The following PCDHA13 variants were observed in gnomAD, a reference collection of about 807,000 sequenced individuals.
PCDHA13 encodes the protein protocadherin alpha-13.
Under a neutral mutation model 64.8 loss-of-function variants are expected in PCDHA13, and 54 were observed. That is an observed-to-expected ratio of 0.83 (90% CI 0.67 to 1.04). PCDHA13 has a LOEUF of 1.04. Among genes scored for constraint, PCDHA13 ranks in the 50% least tolerant of loss-of-function variants. PCDHA13 has a pLI of 0.00. For missense variants in PCDHA13, 1,248 were observed against 1,254.3 expected, an observed-to-expected ratio of 0.99 and a Z score of 0.08; for synonymous variants, 587 against 564.4, an observed-to-expected ratio of 1.04 and a Z score of -0.57.
Position 140,883,693 on chromosome 5 carries a change from C to T in PCDHA13, c.1425C>T (p.Phe475=), listed in dbSNP as rs2059756382. The change falls in exon 1 of 4, where the codon TTC becomes TTT. Residue 475 remains phenylalanine (F), a synonymous_variant. Coordinates refer to ENST00000289272, the MANE Select transcript of PCDHA13 (RefSeq NM_018904.3). The part of the protein sequence containing the change: ...KENNPPGCHI[F]TVSAQDADAQ... ...ACAATCCGCCGGGCTGCCACATCTT[C>T]ACGGTGTCTGCTCAGGACGCGGACG... 1.2e-6 allele frequency: 2 copies of T among 1,613,790 alleles called. No individual in the cohort carries two copies. The highest frequency in any genetic ancestry group is 1.7e-6 in the Non-Finnish European group (2 of 1,179,874).
At chr5:140,967,085 C>T in intron 1 of PCDHA13, 1 of 1,613,198 alleles carries the variant, frequency 6.2e-7, no homozygotes, top group Non-Finnish European at 8.5e-7. Context: ...GCGCATTGAT[C>T]GGGAGGCGCT....
At chr5:140,931,189 C>A (rs2087353658) in intron 1 of PCDHA13, among the ~76,000 whole-genome samples, 1 of 152,112 alleles carries the variant, frequency 6.6e-6, no homozygotes, top group Non-Finnish European at 1.5e-5. Flanking sequence ...GAAATTGGTG[C>A]ACTACAATGC....
chr5:140,941,942 T>C (rs2093203170), intron 1 of PCDHA13, among the ~76,000 whole-genome samples: 1 of 152,234 alleles, frequency 6.6e-6, no homozygotes, highest in African/African-American at 2.4e-5. Flanking sequence ...GAATTACTTT[T>C]GTTTTGAAAA....
At chr5:141,004,857 A>C (rs987029522) in intron 3 of PCDHA13, among the ~76,000 whole-genome samples, 2 of 152,150 alleles carry the variant, frequency 1.3e-5, no homozygotes, top group African/African-American at 4.8e-5. Context: ...TCAGAGAAAA[A>C]ATTTGTTTCT....
rs782751899 is a variant in PCDHA13 at position 140,967,272 on chromosome 5, T to G, written c.2395-11677T>G. The G allele has an allele frequency of 1.2e-6, 2 of 1,613,412 alleles. No homozygotes were observed. Among genetic ancestry groups the G allele is most frequent in the East Asian group, 2.2e-5 (1 of 44,860 alleles). On this transcript the variant is annotated intron_variant, in intron 1 of 3. Transcript: ENST00000289272. ...GTGGCGCCTGGAGCGCGCTTTCACA[T>G]AGAGAGTGCGCAGGACCCCGACGTG...
In PCDHA13 at chr5:140,883,892, G is replaced by C; in HGVS notation, c.1624G>C (p.Val542Leu). ...QFQVSARDSG[V>L]PPLGSNVTLQ... ...CCAGGTGAGCGCGCGCGACTCTGGC[G>C]TGCCGCCTCTGGGCAGCAACGTGAC... Residue 542 changes from valine to leucine, a missense_variant, in exon 1 of 4, where the codon GTG becomes CTG. Val to Leu is a conservative substitution (Grantham distance 32). Transcript: ENST00000289272. 4 of 1,613,362 alleles carry C rather than the reference G, an allele frequency of 2.5e-6. No homozygotes were observed. The South Asian group carries it at 4.4e-5, about 18-fold the overall frequency.
chr5:140,953,100 A>G (rs1343351624), intron 1 of PCDHA13, among the ~76,000 whole-genome samples: 1 of 152,162 alleles, frequency 6.6e-6, no homozygotes, highest in Admixed American at 6.5e-5. Flanking sequence ...TTGACATGAG[A>G]TTTGGGCAGG....
chr5:140,897,762 A>C (rs572488219), intron 1 of PCDHA13, among the ~76,000 whole-genome samples: 15 of 152,204 alleles, frequency 9.9e-5, no homozygotes, highest in African/African-American at 2.7e-4. Context: ...AGGAATCGCC[A>C]CACTGACTTC....
At chr5:140,927,975 C>T in intron 1 of PCDHA13, 2 of 1,614,244 alleles carry the variant, frequency 1.2e-6, no homozygotes, top group Non-Finnish European at 1.7e-6. Context: ...TGATTGCTCT[C>T]TTTAGTGTAA....
intron 1 of PCDHA13, chr5:140,967,032 A>T: frequency 6.2e-7 from 1 of 1,610,180 alleles, no homozygotes; most frequent in Non-Finnish European, 8.5e-7. Flanking sequence ...AGTCCGCGCT[A>T]CCTGGAGCTG....
chr5:140,896,391 A>G (rs1438393041), intron 1 of PCDHA13, among the ~76,000 whole-genome samples: 2 of 152,040 alleles, frequency 1.3e-5, no homozygotes, highest in Non-Finnish European at 2.9e-5. Context: ...CCTCACCAGC[A>G]TCTGTTATTT....
At chr5:140,971,209 C>T (rs147218200) in intron 1 of PCDHA13, among the ~76,000 whole-genome samples, 3 of 152,118 alleles carry the variant, frequency 2.0e-5, no homozygotes, top group African/African-American at 7.2e-5. Context: ...ACACTGTTAC[C>T]CTCCCTCTCC....
At chr5:140,946,631 T>TATATATATAC (rs57893927) in intron 1 of PCDHA13, among the ~76,000 whole-genome samples, 18,480 of 131,524 alleles carry the variant, frequency 0.14, 1,838 homozygotes, top group East Asian at 0.38. Context: ...TATATATATA[T>TATATATATAC]ACAATGGAAT....
rs533995955 is a variant in PCDHA13, at chr5:140,975,833, A to T, written c.2395-3116A>T. On this transcript the variant is annotated intron_variant, in intron 1 of 3. Coordinates refer to ENST00000289272, the MANE Select transcript of PCDHA13 (RefSeq NM_018904.3). ...TTAATAGGAACTGAAGTGTATTCTT[A>T]TTCTTCAGTAATACTACATCACCCA... 2.6e-5 allele frequency among the ~76,000 whole-genome samples: 4 copies of T among 152,336 alleles called. No individual in the cohort carries two copies. In the South Asian group the frequency reaches 8.3e-4, roughly 32 times the overall value.
intron 1 of PCDHA13, among the ~76,000 whole-genome samples, chr5:140,925,786 T>C (rs2082719026): frequency 1.3e-5 from 2 of 152,144 alleles, no homozygotes; most frequent in African/African-American, 4.8e-5. Context: ...CTAATGAGTA[T>C]CTCAGTACTT....
At chr5:140,969,037 C>A (rs1554231375) in intron 1 of PCDHA13, 6 of 1,614,158 alleles carry the variant, frequency 3.7e-6, no homozygotes, top group Non-Finnish European at 5.1e-6. Flanking sequence ...CAGAACTGTA[C>A]AAACAAGCCA....
rs369670852 is a variant in PCDHA13, at chr5:140,928,571, C to G, written c.2394+43909C>G. 1.9e-5 allele frequency: 30 copies of G among 1,614,180 alleles called. 1 individual carries two copies. The African/African-American group carries it at 1.9e-4, about 10-fold the overall frequency. On this transcript the variant is annotated intron_variant, in intron 1 of 3. Transcript: ENST00000289272. ...TATCCGGTTATCTTGTTTCCCTTGC[C>G]CAGAAATGGTTCTGTCCCAGTGGAA...
At position 140,968,158 on chromosome 5, in the gene PCDHA13, C is replaced by T. The variant is rs191279827; in HGVS notation, c.2395-10791C>T. The T allele has an allele frequency of 3.7e-6, 6 of 1,614,124 alleles. No individual in the cohort carries two copies. The African/African-American group carries it at 4.0e-5, about 11-fold the overall frequency. On this transcript the variant is annotated intron_variant, in intron 1 of 3. Transcript: ENST00000289272. ...AGGTTGAGATCTCTGACATCAATGA[C>T]AATCCACCAAGCTTCCTGGAGGACT...
At chr5:140,928,625 A>C in intron 1 of PCDHA13, 1 of 1,614,224 alleles carries the variant, frequency 6.2e-7, no homozygotes, top group Non-Finnish European at 8.5e-7. Flanking sequence ...AGGACTGGAC[A>C]CTTGGTCACA....
Sources: gnomAD v4.1 joint callset for allele counts (sites outside exome capture counted in the v4.1 genomes callset) on GRCh38, gnomAD v4.1.1 for gene constraint, MANE v1.5 for transcripts, NCBI Gene and HGNC (gene_info 2026-07-23, HGNC 2026-07-21) for gene names.